OSBPL1A: variants seen among roughly 807,000 people sequenced by gnomAD.
OSBPL1A encodes oxysterol-binding protein-related protein 1.
OSBPL1A carries 80 observed loss-of-function variants against 137.1 expected under a neutral mutation model. That is an observed-to-expected ratio of 0.58 (90% CI 0.49 to 0.70). The LOEUF (loss-of-function observed/expected upper bound fraction) is 0.70, where lower values mean the gene tolerates loss of function less well. Ranked by LOEUF, OSBPL1A falls within the 30% of genes least tolerant of loss-of-function variation. The pLI, the probability that OSBPL1A is intolerant of heterozygous loss-of-function variation, is 0.00. For missense variants in OSBPL1A, 970 were observed against 1,129.4 expected (o/e 0.86, Z 2.02); for synonymous variants, 365 against 389.7 (o/e 0.94, Z 0.75).
intron 17 of OSBPL1A, among the ~76,000 whole-genome samples, chr18:24,198,860 G>T (rs112782088): frequency 0.022 from 3,040 of 135,974 alleles, 96 homozygotes; most frequent in African/African-American, 0.078. Context: ...GTTTTTTTTT[G>T]TTGTTTTTTT....
chr18:24,283,607 G>A (rs2090009221), intron 14 of OSBPL1A, among the ~76,000 whole-genome samples: 1 of 152,030 alleles, frequency 6.6e-6, no homozygotes, highest in African/African-American at 2.4e-5. Context: ...AATAGTGCCT[G>A]AACAGATGTC....
intron 2 of OSBPL1A, among the ~76,000 whole-genome samples, chr18:24,369,437 C>G (rs1316628039): frequency 6.6e-6 from 1 of 152,184 alleles, no homozygotes; most frequent in Non-Finnish European, 1.5e-5. Flanking sequence ...TATCAAATCC[C>G]AAAGTCACCT....
At position 24,167,434 on chromosome 18, in the gene OSBPL1A, A is replaced by C. The variant is rs753649150; in HGVS notation, c.2430T>G (p.Ser810=). 6.2e-7 allele frequency: 1 copy of C among 1,614,154 alleles called. No individual in the cohort carries two copies. Among genetic ancestry groups the C allele is most frequent in the Admixed American group, 1.7e-5 (1 of 60,036 alleles). The change falls in exon 25 of 28, where the codon TCT becomes TCG. Residue 810 remains serine (S), a synonymous_variant. Transcript: ENST00000319481. ...EKKNSKQMST[S]EELDEMPVPD... is the part of the protein sequence containing the mutation. Reference sequence around the variant, plus strand: ...GCACTGGCATTTCATCCAACTCCTCAGAGGTGCTCATCTAGAAAAACCAAT... The same window carrying C: ...GCACTGGCATTTCATCCAACTCCTCCGAGGTGCTCATCTAGAAAAACCAAT...
At chr18:24,279,565 C>A (rs1285955392) in intron 15 of OSBPL1A, among the ~76,000 whole-genome samples, 1 of 151,942 alleles carries the variant, frequency 6.6e-6, no homozygotes. Context: ...TAATCTCTAA[C>A]CAAAAGGTAC....
intron 20 of OSBPL1A, among the ~76,000 whole-genome samples, chr18:24,178,757 G>A (rs1032511355): frequency 6.6e-6 from 1 of 152,140 alleles, no homozygotes; most frequent in African/African-American, 2.4e-5. Context: ...TATTAGTCAT[G>A]TAAATTTAAA....
chr18:24,341,910 G>T (rs897926650), intron 4 of OSBPL1A, among the ~76,000 whole-genome samples: 2 of 152,072 alleles, frequency 1.3e-5, no homozygotes, highest in Non-Finnish European at 2.9e-5. Context: ...AAACTATCTG[G>T]CTGTTTTGCC....
intron 1 of OSBPL1A, among the ~76,000 whole-genome samples, chr18:24,397,134 A>G (rs1472679929): frequency 6.6e-6 from 1 of 152,212 alleles, no homozygotes; most frequent in East Asian, 1.9e-4. Context: ...GTGAATTGTT[A>G]AAGTCTATTG....
At chr18:24,179,362 G>A (rs990761470) in intron 20 of OSBPL1A, 9 of 197,158 alleles carry the variant, frequency 4.6e-5, no homozygotes, top group Non-Finnish European at 8.3e-5. Flanking sequence ...AATGGGTGCA[G>A]CACACCAACA....
intron 13 of OSBPL1A, among the ~76,000 whole-genome samples, chr18:24,311,174 G>A (rs2090614412): frequency 6.6e-6 from 1 of 152,250 alleles, no homozygotes; most frequent in Admixed American, 6.5e-5. Context: ...AGGTCCCTAA[G>A]TTGATAAAAC....
intron 15 of OSBPL1A, among the ~76,000 whole-genome samples, chr18:24,266,938 GA>G (rs2089591851): frequency 6.6e-6 from 1 of 151,824 alleles, no homozygotes. Flanking sequence ...AACTGATACA[GA>G]TAATTGTAAA....
chr18:24,376,522 T>G (rs1187414403), intron 2 of OSBPL1A, among the ~76,000 whole-genome samples: 1 of 152,250 alleles, frequency 6.6e-6, no homozygotes, highest in African/African-American at 2.4e-5. Flanking sequence ...CTTCACCCAG[T>G]GGATCCCGCA....
At chr18:24,372,273 G>C (rs1434209680) in intron 2 of OSBPL1A, among the ~76,000 whole-genome samples, 1 of 134,216 alleles carries the variant, frequency 7.5e-6, no homozygotes, top group Non-Finnish European at 1.5e-5. Context: ...AGACGCTGTC[G>C]CAAAAAAAAA....
intron 25 of OSBPL1A, among the ~76,000 whole-genome samples, 186 bp downstream of exon 25, chr18:24,167,143 G>A (rs1264384951): frequency 6.6e-6 from 1 of 152,158 alleles, no homozygotes; most frequent in Non-Finnish European, 1.5e-5. Flanking sequence ...CCAGAGGGAT[G>A]GACAGCATGA....
rs570943964 is a variant in OSBPL1A, at chr18:24,298,547, G to A, written c.1174+5090C>T. ...TTTTTAGTAGAGACGGGGTTTCACCGTGTTAGCCAGGATGGTCTCGATCTC... is the reference window on the plus strand; with the variant it reads ...TTTTTAGTAGAGACGGGGTTTCACCATGTTAGCCAGGATGGTCTCGATCTC... On this transcript the variant is annotated intron_variant, in intron 14 of 27. Coordinates refer to ENST00000319481, the MANE Select transcript of OSBPL1A (RefSeq NM_080597.4). Among the ~76,000 whole-genome samples the A allele has an allele frequency of 6.6e-5, 10 of 152,190 alleles. 1 individual carries two copies. The highest frequency in any genetic ancestry group is 6.2e-4 in the South Asian group (3 of 4,828).
intron 4 of OSBPL1A, chr18:24,366,610 A>C (rs2091705105): frequency 3.5e-6 from 1 of 289,496 alleles, no homozygotes; most frequent in Non-Finnish European, 6.3e-6. Flanking sequence ...TTTTTTTTTA[A>C]AAAAAAGAAT....
intron 2 of OSBPL1A, among the ~76,000 whole-genome samples, chr18:24,374,253 T>C (rs1233670307): frequency 6.6e-6 from 1 of 152,204 alleles, no homozygotes; most frequent in African/African-American, 2.4e-5. Context: ...TCACAGTTTC[T>C]TCCCTATTGC....
intron 21 of OSBPL1A, among the ~76,000 whole-genome samples, chr18:24,172,831 G>A (rs2086323585): frequency 6.6e-6 from 1 of 151,962 alleles, no homozygotes; most frequent in African/African-American, 2.4e-5. Context: ...ACTTTCTAGA[G>A]AAAGTACCCT....
At chr18:24,376,770 G>A (rs962465202) in intron 2 of OSBPL1A, among the ~76,000 whole-genome samples, 1 of 152,360 alleles carries the variant, frequency 6.6e-6, no homozygotes, top group South Asian at 2.1e-4. Context: ...CGCAGCGCCG[G>A]TGGGCTGGCA....
At chr18:24,369,814 T>C (rs1345732812) in intron 2 of OSBPL1A, among the ~76,000 whole-genome samples, 1 of 152,232 alleles carries the variant, frequency 6.6e-6, no homozygotes, top group Non-Finnish European at 1.5e-5. Flanking sequence ...TTGCTTTCTG[T>C]TCTTAGTGAA....
Sources: allele counts gnomAD v4.1 joint callset (sites outside exome capture counted in the v4.1 genomes callset), GRCh38; gene constraint gnomAD v4.1.1; transcripts MANE v1.5; gene names NCBI Gene and HGNC (gene_info 2026-07-23, HGNC 2026-07-21).